The following SLIT3 variants were observed in gnomAD, a reference collection of about 807,000 sequenced individuals.
The protein encoded by SLIT3 is slit guidance ligand 3, also known as slit homolog 3 protein.
Under a neutral mutation model 184.0 loss-of-function variants are expected in SLIT3, and 68 were observed. The observed-to-expected ratio is 0.37, with a 90% CI of 0.30 to 0.45. The LOEUF (loss-of-function observed/expected upper bound fraction) is 0.45, where lower values mean the gene tolerates loss of function less well. SLIT3 is among the 20% of genes least tolerant of loss of function. The pLI is 1.00. For missense variants in SLIT3, 1,707 were observed against 2,026.0 expected, an observed-to-expected ratio of 0.84 and a Z score of 3.02; for synonymous variants, 831 against 828.6, an observed-to-expected ratio of 1.00 and a Z score of -0.05.
chr5:168,982,129 T>C (rs1246585403), intron 4 of SLIT3, among the ~76,000 whole-genome samples: 1 of 152,276 alleles, frequency 6.6e-6, no homozygotes, highest in Non-Finnish European at 1.5e-5. Flanking sequence ...TGTAATTTTA[T>C]GCCTGTGTAA....
chr5:169,080,270 C>T (rs1282592160), intron 4 of SLIT3, among the ~76,000 whole-genome samples: 1 of 152,170 alleles, frequency 6.6e-6, no homozygotes, highest in Non-Finnish European at 1.5e-5. Context: ...AGGAGCCTGA[C>T]TCAAGTTTGG....
chr5:168,764,401 G>A (rs145668875), intron 14 of SLIT3, among the ~76,000 whole-genome samples: 15 of 152,290 alleles, frequency 9.8e-5, no homozygotes, highest in African/African-American at 2.4e-4. Context: ...CTCAGTCTGC[G>A]CAGGCTGCTG....
chr5:169,251,326 A>AT (rs1419771174), intron 2 of SLIT3, 62 bp downstream of exon 2: 25 of 1,205,424 alleles, frequency 2.1e-5, no homozygotes, highest in Non-Finnish European at 2.7e-5. Context: ...GCAGTGGAAC[A>AT]TTTTTTTGTG....
intron 4 of SLIT3, among the ~76,000 whole-genome samples, chr5:168,902,380 C>T (rs761649934): frequency 8.5e-5 from 13 of 152,244 alleles, no homozygotes; most frequent in Non-Finnish European, 1.2e-4. Context: ...TACAGATAAG[C>T]GTTTATACTT....
intron 4 of SLIT3, among the ~76,000 whole-genome samples, chr5:168,956,932 A>C (rs1762845863): frequency 1.4e-5 from 2 of 139,840 alleles, no homozygotes; most frequent in Non-Finnish European, 3.1e-5. Context: ...CTCAGCCTCC[A>C]CATCCACTTT....
intron 5 of SLIT3, among the ~76,000 whole-genome samples, chr5:168,870,007 C>T (rs1462520324): frequency 2.0e-5 from 3 of 152,230 alleles, no homozygotes; most frequent in South Asian, 2.1e-4. Flanking sequence ...AGAAGTGCTC[C>T]GTGCCGGCAC....
At chr5:168,698,746 A>G (rs893119408) in intron 27 of SLIT3, among the ~76,000 whole-genome samples, 2 of 152,052 alleles carry the variant, frequency 1.3e-5, no homozygotes, top group East Asian at 3.9e-4. Context: ...GAGTTTCCCT[A>G]TTCCTTGAGG....
intron 4 of SLIT3, among the ~76,000 whole-genome samples, chr5:169,108,137 A>T (rs1760286843): frequency 6.6e-6 from 1 of 152,244 alleles, no homozygotes; most frequent in African/African-American, 2.4e-5. Flanking sequence ...GTAGCTACTC[A>T]AAAGTAGCAC....
rs1755020546 is a variant in SLIT3 at position 168,983,504 on chromosome 5, G to T, written c.414-100168C>A. ...GTTTCTCCGCAGCTAAGATTCTTTTGGGGTGGTAGCACACAGTGGTGGAGA... is the reference window on the plus strand; with the variant it reads ...GTTTCTCCGCAGCTAAGATTCTTTTTGGGTGGTAGCACACAGTGGTGGAGA... On this transcript the variant is annotated intron_variant, in intron 4 of 35. Transcript: ENST00000519560. 2.6e-5 allele frequency among the ~76,000 whole-genome samples: 4 copies of T among 152,156 alleles called. No homozygotes were observed. The South Asian group carries it at 8.3e-4, about 32-fold the overall frequency.
At chr5:169,248,316 A>G (rs746526164) in intron 2 of SLIT3, among the ~76,000 whole-genome samples, 1 of 152,114 alleles carries the variant, frequency 6.6e-6, no homozygotes, top group Non-Finnish European at 1.5e-5. Context: ...CTGACCAAGT[A>G]TCCACATCCC....
chr5:169,029,883 T>C (rs759674667), intron 4 of SLIT3, among the ~76,000 whole-genome samples: 1 of 152,336 alleles, frequency 6.6e-6, no homozygotes, highest in South Asian at 2.1e-4. Flanking sequence ...GAGGCTCCAT[T>C]AATCCAGTTA....
At chr5:168,934,048 G>C (rs1762076436) in intron 4 of SLIT3, among the ~76,000 whole-genome samples, 1 of 152,164 alleles carries the variant, frequency 6.6e-6, no homozygotes, top group African/African-American at 2.4e-5. Flanking sequence ...GGTGGCTCTG[G>C]AGTTGTGGCA....
chr5:169,178,558 C>CA (rs1346399945), intron 4 of SLIT3, among the ~76,000 whole-genome samples: 18 of 152,144 alleles, frequency 1.2e-4, no homozygotes, highest in Non-Finnish European at 1.5e-5. Flanking sequence ...AAGACTAAAA[C>CA]AAACCTGAGA....
chr5:168,843,239 T>C (rs10066747), intron 6 of SLIT3, among the ~76,000 whole-genome samples: 28,273 of 152,032 alleles, frequency 0.19, 2,666 homozygotes, highest in East Asian at 0.26. Flanking sequence ...TCTCAAATAA[T>C]GTGGAGAGGC....
chr5:168,883,596 G>A (rs1234229959), intron 4 of SLIT3, among the ~76,000 whole-genome samples: 1 of 152,218 alleles, frequency 6.6e-6, no homozygotes, highest in Non-Finnish European at 1.5e-5. Flanking sequence ...TCCAGGCCAC[G>A]AGCCAAGAGG....
chr5:169,161,519 C>T (rs141410809), intron 4 of SLIT3, among the ~76,000 whole-genome samples: 1 of 152,206 alleles, frequency 6.6e-6, no homozygotes, highest in Non-Finnish European at 1.5e-5. Context: ...CTCTTTAAAG[C>T]ACCGTCCTCT....
chr5:168,772,820 G>A lies in SLIT3; in HGVS notation c.1420C>T (p.Arg474Cys). 1.2e-6 allele frequency: 2 copies of A among 1,614,102 alleles called. No individual in the cohort carries two copies. The highest frequency in any genetic ancestry group is 1.7e-6 in the Non-Finnish European group (2 of 1,180,024). Residue 474 changes from arginine to cysteine, a missense_variant, in exon 14 of 36, where the codon CGC becomes TGC. Arg to Cys is a radical substitution (Grantham distance 180). Coordinates refer to ENST00000519560, the MANE Select transcript of SLIT3 (RefSeq NM_003062.4). ...CSSPRRLANK[R>C]ISQIKSKKFR... ...TTCTTGCTCTTGATCTGGCTGATGCGCTTGTTGGCGAGTCGGCGCGGGCTG... is the reference window on the plus strand; with the variant it reads ...TTCTTGCTCTTGATCTGGCTGATGCACTTGTTGGCGAGTCGGCGCGGGCTG...
At chr5:168,817,230 G>A (rs527468558) in intron 8 of SLIT3, 70 bp downstream of exon 8, 1 of 1,434,916 alleles carries the variant, frequency 7.0e-7, no homozygotes, top group Admixed American at 1.7e-5. Flanking sequence ...CAAGGTCAGG[G>A]TGATGTTGTG....
At chr5:169,138,565 G>GAACT (rs1761609101) in intron 4 of SLIT3, among the ~76,000 whole-genome samples, 1 of 152,136 alleles carries the variant, frequency 6.6e-6, no homozygotes, top group Admixed American at 6.5e-5. Context: ...CTGCCTTATA[G>GAACT]AACTGCTGGG....
Sources: allele counts gnomAD v4.1 joint callset (sites outside exome capture counted in the v4.1 genomes callset), GRCh38; gene constraint gnomAD v4.1.1; transcripts MANE v1.5; gene names NCBI Gene and HGNC (gene_info 2026-07-23, HGNC 2026-07-21).